The following SHISA6 variants were observed in gnomAD, a reference collection of about 807,000 sequenced individuals.
SHISA6 encodes shisa family member 6, also known as protein shisa-6.
A neutral mutation model predicts 47.9 loss-of-function variants in SHISA6; 22 were observed. The observed-to-expected ratio is 0.46, with a 90% CI of 0.33 to 0.66. The LOEUF (loss-of-function observed/expected upper bound fraction) is 0.66, where lower values mean the gene tolerates loss of function less well. Among genes scored for constraint, SHISA6 ranks in the 30% least tolerant of loss-of-function variants. The pLI, the probability that SHISA6 is intolerant of heterozygous loss-of-function variation, is 0.02. For synonymous variants in SHISA6, 388 were observed against 337.8 expected (o/e 1.15, Z -1.63); for missense variants, 680 against 764.6 (o/e 0.89, Z 1.30).
chr17:11,346,873 C>G (rs1242711706), intron 2 of SHISA6, among the ~76,000 whole-genome samples: 2 of 152,168 alleles, frequency 1.3e-5, no homozygotes, highest in African/African-American at 4.8e-5. Flanking sequence ...ATATACTCAT[C>G]ATATAGTCAG....
chr17:11,261,557 C>T (rs1391566116), intron 1 of SHISA6, among the ~76,000 whole-genome samples: 5 of 152,260 alleles, frequency 3.3e-5, no homozygotes, highest in Non-Finnish European at 5.9e-5. Flanking sequence ...GGGTATGTTA[C>T]AGAAGCATGG....
At chr17:11,340,404 A>G (rs193117784) in intron 2 of SHISA6, among the ~76,000 whole-genome samples, 36 of 152,278 alleles carry the variant, frequency 2.4e-4, no homozygotes, top group African/African-American at 7.5e-4. Context: ...CTTCTCTCCC[A>G]TGGTCCTCAT....
At chr17:11,385,984 T>C (rs887688631) in intron 3 of SHISA6, among the ~76,000 whole-genome samples, 1 of 131,756 alleles carries the variant, frequency 7.6e-6, no homozygotes, top group Non-Finnish European at 1.6e-5. Flanking sequence ...AGTTTGGGGG[T>C]GGGAGGGGGG....
chr17:11,405,508 A>T (rs1272783822), intron 3 of SHISA6, among the ~76,000 whole-genome samples: 1 of 152,094 alleles, frequency 6.6e-6, no homozygotes, highest in Non-Finnish European at 1.5e-5. Flanking sequence ...AGGTAATAAC[A>T]TTATGCAGCT....
chr17:11,448,115 G>C (rs2142302865), intron 3 of SHISA6, among the ~76,000 whole-genome samples: 1 of 152,298 alleles, frequency 6.6e-6, no homozygotes, highest in East Asian at 1.9e-4. Context: ...GAGCACAAGG[G>C]AAAAGGGGGA....
intron 2 of SHISA6, among the ~76,000 whole-genome samples, chr17:11,319,296 C>T (rs1597456120): frequency 1.3e-5 from 2 of 152,124 alleles, no homozygotes; most frequent in East Asian, 3.9e-4. Context: ...CCAGGCTAGT[C>T]TCGAACTCCT....
At chr17:11,312,325 C>G (rs1184587069) in intron 2 of SHISA6, among the ~76,000 whole-genome samples, 2 of 151,912 alleles carry the variant, frequency 1.3e-5, no homozygotes, top group Non-Finnish European at 2.9e-5. Context: ...CTATGAATTT[C>G]CTTCTTATAA....
In SHISA6 at chr17:11,358,573, A is replaced by T. The variant is rs562924603; in HGVS notation, c.800-20841A>T. On this transcript the variant is annotated intron_variant, in intron 2 of 5. Coordinates refer to ENST00000441885, the MANE Select transcript of SHISA6 (RefSeq NM_207386.4). ...ACAGGGTTTCACCATGTTAGCCAGG[A>T]TGGTCTCGATCTCCTGACCTCATGA... is the stretch of plus-strand genomic sequence containing the variant. 2.0e-5 allele frequency among the ~76,000 whole-genome samples: 3 copies of T among 151,016 alleles called. No homozygotes were observed. The South Asian group carries it at 6.3e-4, about 32-fold the overall frequency.
intron 3 of SHISA6, among the ~76,000 whole-genome samples, chr17:11,488,567 G>C (rs567941487): frequency 5.9e-5 from 9 of 152,282 alleles, no homozygotes; most frequent in African/African-American, 2.2e-4. Flanking sequence ...CTGGGCTTCA[G>C]GCATGGTTAG....
intron 3 of SHISA6, among the ~76,000 whole-genome samples, chr17:11,405,688 G>A (rs948079788): frequency 2.6e-5 from 4 of 152,062 alleles, no homozygotes; most frequent in African/African-American, 9.7e-5. Flanking sequence ...TGTAATCCCA[G>A]CTACTTGGGA....
chr17:11,447,012 C>T (rs1350728671), intron 3 of SHISA6, among the ~76,000 whole-genome samples: 1 of 152,214 alleles, frequency 6.6e-6, no homozygotes, highest in African/African-American at 2.4e-5. Flanking sequence ...TTCCTCCTAT[C>T]TAAACTCTCA....
At chr17:11,276,295 G>A (rs1435819946) in intron 2 of SHISA6, among the ~76,000 whole-genome samples, 1 of 152,082 alleles carries the variant, frequency 6.6e-6, no homozygotes, top group East Asian at 1.9e-4. Context: ...GATTCTGGAG[G>A]GGCAAAGGTG....
At chr17:11,469,547 C>T (rs1448636149) in intron 3 of SHISA6, among the ~76,000 whole-genome samples, 1 of 152,184 alleles carries the variant, frequency 6.6e-6, no homozygotes, top group Non-Finnish European at 1.5e-5. Flanking sequence ...GAAATTAATG[C>T]ACTCTGCTTA....
chr17:11,261,474 T>G (rs1908230767), intron 1 of SHISA6, among the ~76,000 whole-genome samples: 1 of 152,240 alleles, frequency 6.6e-6, no homozygotes, highest in Non-Finnish European at 1.5e-5. Context: ...TGCTTTCTTC[T>G]TTTCTCACAT....
chr17:11,241,859 A>G lies in SHISA6; in HGVS notation c.437A>G (p.Gln146Arg). The change falls in exon 1 of 6, where the codon CAG (glutamine) becomes CGG (arginine). Residue 146 changes from glutamine to arginine, a missense_variant. Coordinates refer to ENST00000441885, the MANE Select transcript of SHISA6 (RefSeq NM_207386.4). This position sits in a 1 kb window ranked among gnomAD's most constrained non-coding sequence, Gnocchi z 5.5. ...GACCAGCGCCAGTGCACCAACTACCAGAGCCCGGTGTGGGTACAGACGCCC... is the reference window on the plus strand; with the variant it reads ...GACCAGCGCCAGTGCACCAACTACCGGAGCCCGGTGTGGGTACAGACGCCC... ...KLDQRQCTNYQSPVWVQTPST... is the reference protein window; with the variant it reads ...KLDQRQCTNYRSPVWVQTPST... The G allele has an allele frequency of 6.4e-7, 1 of 1,551,328 alleles. No homozygotes were observed. The highest frequency in any genetic ancestry group is 8.7e-7 in the Non-Finnish European group (1 of 1,147,010).
At chr17:11,502,241 C>T (rs1468222034) in intron 3 of SHISA6, among the ~76,000 whole-genome samples, 1 of 150,296 alleles carries the variant, frequency 6.7e-6, no homozygotes, top group East Asian at 2.0e-4. Flanking sequence ...AACCCCGTCT[C>T]TACTAAAAAT....
intron 3 of SHISA6, among the ~76,000 whole-genome samples, chr17:11,491,095 C>T (rs1916465354): frequency 6.6e-6 from 1 of 152,180 alleles, no homozygotes; most frequent in Admixed American, 6.5e-5. Flanking sequence ...GGGGCATCTC[C>T]AACGTCAAGA....
chr17:11,246,892 C>T (rs1907615058), intron 1 of SHISA6, among the ~76,000 whole-genome samples: 1 of 152,192 alleles, frequency 6.6e-6, no homozygotes, highest in East Asian at 1.9e-4. Context: ...TTTTCAAATT[C>T]CCTACACTGT....
intron 3 of SHISA6, among the ~76,000 whole-genome samples, chr17:11,487,265 G>A (rs981218421): frequency 5.9e-5 from 9 of 152,218 alleles, no homozygotes; most frequent in African/African-American, 2.2e-4. Flanking sequence ...AGTATCCTAG[G>A]TGTTGCAAGA....
Sources: allele counts gnomAD v4.1 joint callset (sites outside exome capture counted in the v4.1 genomes callset), GRCh38; gene constraint gnomAD v4.1.1; non-coding constraint Gnocchi (gnomAD v3.1); transcripts MANE v1.5; gene names NCBI Gene and HGNC (gene_info 2026-07-23, HGNC 2026-07-21).